The following FRMPD2 variants were observed in gnomAD, a reference collection of about 807,000 sequenced individuals.
FRMPD2 encodes the protein FERM and PDZ domain-containing protein 2.
Under a neutral mutation model 140.1 loss-of-function variants are expected in FRMPD2, and 96 were observed. The ratio of observed to expected loss-of-function variants is 0.69; its 90% CI spans 0.58 to 0.81. The LOEUF (loss-of-function observed/expected upper bound fraction) is 0.81, where lower values mean the gene tolerates loss of function less well. Ranked by LOEUF, FRMPD2 falls within the 40% of genes least tolerant of loss-of-function variation. The pLI is 0.00. For synonymous variants in FRMPD2, 449 were observed against 547.6 expected (o/e 0.82, Z 2.52); for missense variants, 1,240 against 1,447.4 (o/e 0.86, Z 2.32).
rs200504667 is a variant in FRMPD2 at position 48,192,590 on chromosome 10, C to CA, written c.2165+93dup. On this transcript the variant is annotated intron_variant, in intron 16 of 28. Coordinates refer to ENST00000374201, the MANE Select transcript of FRMPD2 (RefSeq NM_001018071.4). ...GGGCAACAAGAGCAAAACTCAGTCTCAAAAAAAAAATAAAATAAATCTTCA... is the reference window on the plus strand; with the variant it reads ...GGGCAACAAGAGCAAAACTCAGTCTCAAAAAAAAAAATAAAATAAATCTTCA... 8.9e-3 allele frequency: 9,160 copies of CA among 1,030,390 alleles called. 4 individuals carry two copies. Among genetic ancestry groups the CA allele is most frequent in the East Asian group, 0.017 (552 of 33,116 alleles). 63.8% of individuals were successfully genotyped at this position (1,030,390 alleles called of 1,614,324 possible). A position where few individuals can be genotyped will look rare whatever the true frequency, so the allele number is the denominator to read the frequency against.
chr10:48,212,182 T>G (rs968021331), intron 12 of FRMPD2, 73 bp from the exon 13 acceptor site: 2 of 1,460,414 alleles, frequency 1.4e-6, no homozygotes, highest in African/African-American at 2.8e-5. Context: ...AATGAAAACA[T>G]TATCTGTAGT....
At chr10:48,175,175 T>G (rs1409962803) in intron 23 of FRMPD2, 2 of 475,386 alleles carry the variant, frequency 4.2e-6, no homozygotes, top group Non-Finnish European at 7.8e-6. Flanking sequence ...TATAAAAGCC[T>G]TTCTATTATT....
intron 4 of FRMPD2, among the ~76,000 whole-genome samples, chr10:48,244,541 C>T (rs1486823955): frequency 6.6e-6 from 1 of 152,192 alleles, no homozygotes; most frequent in Non-Finnish European, 1.5e-5. Flanking sequence ...GATGGCCAAA[C>T]TTATCCTGCT....
At chr10:48,234,279 A>C (rs565190432) in intron 9 of FRMPD2, among the ~76,000 whole-genome samples, 1 of 152,234 alleles carries the variant, frequency 6.6e-6, no homozygotes, top group Non-Finnish European at 1.5e-5. Flanking sequence ...AAAAAATAAA[A>C]ATACCATGAC....
chr10:48,239,537 A>G, intron 7 of FRMPD2, 68 bp downstream of exon 7: 1 of 1,090,260 alleles, frequency 9.2e-7, no homozygotes, highest in Middle Eastern at 2.0e-4. Flanking sequence ...TAAAGAAATA[A>G]GGTACCATAG....
intron 9 of FRMPD2, among the ~76,000 whole-genome samples, chr10:48,232,645 T>A (rs1401028153): frequency 6.6e-6 from 1 of 152,088 alleles, no homozygotes; most frequent in Admixed American, 6.5e-5. Context: ...CCCAGGGCCC[T>A]CATCAATGAA....
chr10:48,184,629 T>G lies in FRMPD2; in HGVS notation c.2521A>C (p.Met841Leu). The change falls in exon 20 of 29, where the codon ATG becomes CTG. Residue 841 changes from methionine to leucine, a missense_variant. Physicochemically the swap from Met to Leu is conservative, Grantham distance 15 (BLOSUM62 2). Around this residue, in one of 6 missense-constraint regions of FRMPD2, gnomAD observed 1,161 missense variants for 1,055.9 expected, o/e 1.10. Coordinates refer to ENST00000374201, the MANE Select transcript of FRMPD2 (RefSeq NM_001018071.4). ...GAATTCTGGATCATCCTAACAGCCATGTTGAATGTGAAGCCCTCCAGACTG... is the reference window on the plus strand; with the variant it reads ...GAATTCTGGATCATCCTAACAGCCAGGTTGAATGTGAAGCCCTCCAGACTG... ...HISLEGFTFN[M>L]AVRMIQNSPD... The G allele has an allele frequency of 1.2e-6, 2 of 1,613,818 alleles. No homozygotes were observed. The highest frequency in any genetic ancestry group is 1.7e-6 in the Non-Finnish European group (2 of 1,179,692).
At chr10:48,237,536 C>T (rs567555979) in intron 8 of FRMPD2, among the ~76,000 whole-genome samples, 16 of 152,260 alleles carry the variant, frequency 1.1e-4, no homozygotes, top group South Asian at 4.1e-4. Flanking sequence ...AGGCACATTC[C>T]GCCTAACCCT....
chr10:48,192,576 G>T, intron 16 of FRMPD2, 108 bp downstream of exon 16: 1 of 1,027,030 alleles, frequency 9.7e-7, no homozygotes, highest in Non-Finnish European at 1.4e-6. Context: ...GGCAACAAGA[G>T]CAAAACTCAG....
intron 15 of FRMPD2, among the ~76,000 whole-genome samples, chr10:48,195,002 T>C (rs183761386): frequency 1.6e-4 from 24 of 152,288 alleles, no homozygotes; most frequent in Admixed American, 1.6e-3. Context: ...ACTCATAGCA[T>C]AATTGTGGCA....
At chr10:48,272,145 A>G (rs1360046189) in intron 1 of FRMPD2, among the ~76,000 whole-genome samples, 2 of 152,180 alleles carry the variant, frequency 1.3e-5, no homozygotes, top group Non-Finnish European at 2.9e-5. Context: ...AATAAGTCCA[A>G]CATTTTGGTG....
intron 20 of FRMPD2, 26 bp downstream of exon 20, chr10:48,184,540 G>T (rs771870694): frequency 1.7e-5 from 25 of 1,443,066 alleles, no homozygotes; most frequent in Admixed American, 8.4e-5. Flanking sequence ...AGCCTCTTAA[G>T]CTCCCAAGAG....
At chr10:48,218,849 T>A (rs1440101078) in intron 12 of FRMPD2, among the ~76,000 whole-genome samples, 1 of 152,210 alleles carries the variant, frequency 6.6e-6, no homozygotes, top group Non-Finnish European at 1.5e-5. Flanking sequence ...TGGAAGCTTG[T>A]CACAGGGATG....
intron 1 of FRMPD2, among the ~76,000 whole-genome samples, chr10:48,262,270 T>G (rs1325846957): frequency 6.6e-6 from 1 of 152,110 alleles, no homozygotes; most frequent in Non-Finnish European, 1.5e-5. Context: ...ATAAAAAGAT[T>G]AATTTTAAGA....
At chr10:48,210,772 G>C (rs1317625253) in intron 13 of FRMPD2, among the ~76,000 whole-genome samples, 2 of 152,238 alleles carry the variant, frequency 1.3e-5, no homozygotes, top group South Asian at 4.1e-4. Flanking sequence ...AAAATGACCA[G>C]CTGAAAAGCA....
intron 2 of FRMPD2, 61 bp downstream of exon 2, chr10:48,251,505 T>A (rs929877616): frequency 6.3e-7 from 1 of 1,598,926 alleles, no homozygotes; most frequent in Non-Finnish European, 8.6e-7. Flanking sequence ...AGAACTGTGT[T>A]TGTGTGGGAA....
intron 20 of FRMPD2, among the ~76,000 whole-genome samples, chr10:48,181,887 T>TAC (rs56127751): frequency 0.5 from 55,587 of 111,556 alleles, 13,575 homozygotes; most frequent in South Asian, 0.68. Context: ...ATGGCTCTCA[T>TAC]ACACACACAC....
chr10:48,179,530 A>T (rs1257897617), intron 21 of FRMPD2, among the ~76,000 whole-genome samples: 1 of 151,328 alleles, frequency 6.6e-6, no homozygotes, highest in Non-Finnish European at 1.5e-5. Flanking sequence ...TCCATTCTTC[A>T]TCAAATATAC....
intron 11 of FRMPD2, among the ~76,000 whole-genome samples, chr10:48,222,802 C>A (rs1253401141): frequency 6.6e-6 from 1 of 152,082 alleles, no homozygotes; most frequent in Non-Finnish European, 1.5e-5. Context: ...GTCCTCCAAC[C>A]CTCATGACTG....
Sources: gnomAD v4.1 joint callset for allele counts (sites outside exome capture counted in the v4.1 genomes callset) on GRCh38, gnomAD v4.1.1 for gene constraint, gnomAD v4.1.1 regional missense constraint, MANE v1.5 for transcripts, NCBI Gene and HGNC (gene_info 2026-07-23, HGNC 2026-07-21) for gene names.